Variants in ETV6 observed in about 807,000 individuals in gnomAD.
ETV6 encodes the protein transcription factor ETV6.
ETV6 carries 16 observed loss-of-function variants against 51.1 expected under a neutral mutation model. The ratio of observed to expected loss-of-function variants is 0.31; its 90% CI spans 0.21 to 0.48. The LOEUF (loss-of-function observed/expected upper bound fraction) is 0.48, where lower values mean the gene tolerates loss of function less well. Ranked by LOEUF, ETV6 falls within the 20% of genes least tolerant of loss-of-function variation. The pLI is 0.99. For missense variants in ETV6, 458 were observed against 594.8 expected (o/e 0.77, Z 2.39); for synonymous variants, 240 against 224.1 (o/e 1.07, Z -0.64).
At chr12:11,654,110 A>G (rs1863956949) in intron 1 of ETV6, among the ~76,000 whole-genome samples, 1 of 152,202 alleles carries the variant, frequency 6.6e-6, no homozygotes, top group Non-Finnish European at 1.5e-5. Flanking sequence ...CACTGCGTCC[A>G]GCGTAATGTT....
At chr12:11,663,822 T>A (rs2120657678) in intron 1 of ETV6, among the ~76,000 whole-genome samples, 1 of 152,212 alleles carries the variant, frequency 6.6e-6, no homozygotes, top group South Asian at 2.1e-4. Context: ...ACTGAAAAAA[T>A]AAAGTGTTGT....
In ETV6 at chr12:11,731,728, G is replaced by T. The variant is rs556794273; in HGVS notation, c.34-20722G>T. Among the ~76,000 whole-genome samples, 23 of 152,140 alleles carry T rather than the reference G, an allele frequency of 1.5e-4. No individual in the cohort carries two copies. In the East Asian group the frequency reaches 4.1e-3, roughly 27 times the overall value. On this transcript the variant is annotated intron_variant, in intron 1 of 7. Transcript: ENST00000396373. ...ACTTTGAGAATACCTTCCTCCCCAA[G>T]GGCTCAAAGCCCTTCATAGTCATTA... is the stretch of plus-strand genomic sequence containing the variant.
In ETV6 at chr12:11,650,138, C is replaced by T. The variant is rs777712463; in HGVS notation, c.11C>T (p.Thr4Ile). The T allele has an allele frequency of 1.3e-5, 21 of 1,613,800 alleles. No individual in the cohort carries two copies. In the South Asian group the frequency reaches 1.3e-4, roughly 10 times the overall value. Residue 4 changes from threonine (T) to isoleucine (I), a missense_variant, in exon 1 of 8, where the codon ACT becomes ATT. Thr to Ile is a moderately conservative substitution (Grantham distance 89, BLOSUM62 -1). Around this residue, in one of 4 missense-constraint regions of ETV6, gnomAD observed 84 missense variants for 75.9 expected, o/e 1.11. Coordinates refer to ENST00000396373, the MANE Select transcript of ETV6 (RefSeq NM_001987.5). MSE[T>I]PAQCSIKQER... ...CTCTCGCTGTGAGACATGTCTGAGA[C>T]TCCTGCTCAGTGTAGCATTAAGGTA...
Position 11,818,129 on chromosome 12 carries a change from T to G in ETV6, c.164-21011T>G, listed in dbSNP as rs118019273. ...GGGAAAAAAGGTCTGGGAAAGGGCC[T>G]TGGGGGCCAGGTGATAAGGAAGTTG... On this transcript the variant is annotated intron_variant, in intron 2 of 7. Coordinates refer to ENST00000396373, the MANE Select transcript of ETV6 (RefSeq NM_001987.5). 7.6e-4 allele frequency among the ~76,000 whole-genome samples: 116 copies of G among 152,300 alleles called. No individual in the cohort carries two copies. The East Asian group carries it at 0.021, about 28-fold the overall frequency.
intron 1 of ETV6, among the ~76,000 whole-genome samples, chr12:11,687,500 A>G (rs1864659065): frequency 6.6e-6 from 1 of 152,026 alleles, no homozygotes; most frequent in Non-Finnish European, 1.5e-5. Context: ...TTTTTTCTTA[A>G]TAAGAAAATG....
intron 4 of ETV6, among the ~76,000 whole-genome samples, chr12:11,859,789 C>G (rs1209597669): frequency 6.6e-6 from 1 of 152,100 alleles, no homozygotes; most frequent in Middle Eastern, 3.2e-3. Flanking sequence ...AGACGAGTAG[C>G]AGTAGTGGAG....
At chr12:11,650,684 A>T (rs1468063982) in intron 1 of ETV6, among the ~76,000 whole-genome samples, 1 of 151,878 alleles carries the variant, frequency 6.6e-6, no homozygotes, top group Non-Finnish European at 1.5e-5. Flanking sequence ...CCCTCGTCTG[A>T]TTGTAATTGC....
chr12:11,775,879 A>C (rs1945316491), intron 2 of ETV6, among the ~76,000 whole-genome samples: 1 of 152,172 alleles, frequency 6.6e-6, no homozygotes, highest in Non-Finnish European at 1.5e-5. Context: ...TGATTGCTTC[A>C]CTGTGCTGAT....
intron 2 of ETV6, among the ~76,000 whole-genome samples, chr12:11,836,723 G>A (rs769877077): frequency 6.6e-5 from 10 of 151,606 alleles, no homozygotes; most frequent in Non-Finnish European, 1.0e-4. Context: ...CCGTTGCAGC[G>A]TGTCCTCTGC....
rs1198463595 is a variant in ETV6, at chr12:11,695,238, T to C, written c.33+45078T>C. On this transcript the variant is annotated intron_variant, in intron 1 of 7. Coordinates refer to ENST00000396373, the MANE Select transcript of ETV6 (RefSeq NM_001987.5). ...GAAATAGAGATTTCTCCACCTCACG[T>C]AATTAGGATTTGAGAGTTAAATAAG... Among the ~76,000 whole-genome samples the C allele has an allele frequency of 2.6e-5, 4 of 152,174 alleles. No homozygotes were observed. In the East Asian group the frequency reaches 7.7e-4, roughly 29 times the overall value.
At chr12:11,714,534 C>T (rs942643201) in intron 1 of ETV6, among the ~76,000 whole-genome samples, 2 of 151,276 alleles carry the variant, frequency 1.3e-5, no homozygotes, top group South Asian at 4.2e-4. Flanking sequence ...CTACCTACTA[C>T]ATGCATGGCT....
At chr12:11,728,358 G>T (rs543551933) in intron 1 of ETV6, among the ~76,000 whole-genome samples, 2 of 152,214 alleles carry the variant, frequency 1.3e-5, no homozygotes, top group African/African-American at 2.4e-5. Flanking sequence ...GAACTGGGCC[G>T]CACAGCAGGA....
chr12:11,779,503 C>T (rs1219309894), intron 2 of ETV6, among the ~76,000 whole-genome samples: 1 of 152,200 alleles, frequency 6.6e-6, no homozygotes, highest in Non-Finnish European at 1.5e-5. Flanking sequence ...AAATAGCCTC[C>T]ATACCGAGGC....
intron 2 of ETV6, among the ~76,000 whole-genome samples, chr12:11,808,736 TAGC>T (rs1945867975): frequency 1.3e-5 from 2 of 152,138 alleles, no homozygotes; most frequent in African/African-American, 2.4e-5. Flanking sequence ...AAGAGGGTAA[TAGC>T]AGGCTATAAA....
chr12:11,759,124 G>T (rs1377514669), intron 2 of ETV6, among the ~76,000 whole-genome samples: 2 of 151,834 alleles, frequency 1.3e-5, no homozygotes, highest in Admixed American at 6.6e-5. Flanking sequence ...TTCCTGATAA[G>T]GAAGCAGCTT....
At chr12:11,809,812 C>CTTT (rs927002978) in intron 2 of ETV6, among the ~76,000 whole-genome samples, 14 of 81,762 alleles carry the variant, frequency 1.7e-4, no homozygotes, top group Admixed American at 4.5e-4. Context: ...AGAGCTTCTG[C>CTTT]TTTTTTTTTT....
At chr12:11,854,192 A>G (rs992182644) in intron 4 of ETV6, among the ~76,000 whole-genome samples, 2 of 151,704 alleles carry the variant, frequency 1.3e-5, no homozygotes, top group African/African-American at 4.8e-5. Flanking sequence ...CCGCGCATGC[A>G]CAGTTCATGA....
chr12:11,745,689 G>A (rs1865895109), intron 1 of ETV6, among the ~76,000 whole-genome samples: 1 of 152,156 alleles, frequency 6.6e-6, no homozygotes, highest in East Asian at 1.9e-4. Context: ...ATAGATGTTG[G>A]CAGGCTTCTT....
intron 1 of ETV6, among the ~76,000 whole-genome samples, chr12:11,663,178 C>T (rs938019495): frequency 3.3e-5 from 5 of 152,192 alleles, no homozygotes; most frequent in East Asian, 1.9e-4. Flanking sequence ...GTGCGTTGAA[C>T]GATTTCTGCA....
Sources: allele counts gnomAD v4.1 joint callset (sites outside exome capture counted in the v4.1 genomes callset), GRCh38; gene constraint gnomAD v4.1.1; regional missense constraint gnomAD v4.1.1; transcripts MANE v1.5; gene names NCBI Gene and HGNC (gene_info 2026-07-23, HGNC 2026-07-21).